Variants in SHROOM3 observed in about 807,000 individuals in gnomAD.
The protein encoded by SHROOM3 is protein Shroom3.
Under a neutral mutation model 138.6 loss-of-function variants are expected in SHROOM3, and 47 were observed. The observed-to-expected ratio is 0.34, with a 90% confidence interval of 0.27 to 0.43. SHROOM3 has a LOEUF of 0.43. SHROOM3 is among the 20% of genes least tolerant of loss of function. SHROOM3 has a pLI of 1.00. For missense variants in SHROOM3, 2,491 were observed against 2,596.5 expected, an observed-to-expected ratio of 0.96 and a Z score of 0.88; for synonymous variants, 1,062 against 1,063.3, an observed-to-expected ratio of 1.00 and a Z score of 0.02.
intron 1 of SHROOM3, among the ~76,000 whole-genome samples, chr4:76,512,512 C>T (rs1387415791): frequency 2.0e-5 from 3 of 152,166 alleles, no homozygotes; most frequent in Non-Finnish European, 2.9e-5. Flanking sequence ...TCTTCACTTC[C>T]GCAGGATTCT....
intron 2 of SHROOM3, among the ~76,000 whole-genome samples, chr4:76,674,554 CTT>C (rs11312421): frequency 4.4e-3 from 457 of 103,240 alleles, no homozygotes; most frequent in African/African-American, 0.016. Flanking sequence ...TCCTTCCTTC[CTT>C]TTTTTTTTTT....
chr4:76,655,523 G>A (rs1344608173), intron 2 of SHROOM3, among the ~76,000 whole-genome samples: 1 of 152,194 alleles, frequency 6.6e-6, no homozygotes, highest in Non-Finnish European at 1.5e-5. Flanking sequence ...GCTAAAAGTG[G>A]AAAGTTATGG....
At chr4:76,561,112 G>C (rs139594227) in intron 2 of SHROOM3, among the ~76,000 whole-genome samples, 51 of 152,272 alleles carry the variant, frequency 3.3e-4, no homozygotes, top group Non-Finnish European at 6.2e-4. Flanking sequence ...AGAGCAGAGG[G>C]TAGGGAAAAT....
At chr4:76,732,373 A>G (rs1380309753) in intron 4 of SHROOM3, among the ~76,000 whole-genome samples, 2 of 152,134 alleles carry the variant, frequency 1.3e-5, no homozygotes, top group Non-Finnish European at 2.9e-5. Flanking sequence ...CTTAATACTC[A>G]TGTCTGGTCA....
At chr4:76,483,411 G>A (rs921039915) in intron 1 of SHROOM3, among the ~76,000 whole-genome samples, 1 of 152,126 alleles carries the variant, frequency 6.6e-6, no homozygotes, top group African/African-American at 2.4e-5. Context: ...CATCATCACT[G>A]GTCATTAGAG....
chr4:76,598,432 T>A (rs1734436256), intron 2 of SHROOM3, among the ~76,000 whole-genome samples: 1 of 152,236 alleles, frequency 6.6e-6, no homozygotes, highest in Admixed American at 6.5e-5. Flanking sequence ...TTTGGAAAGA[T>A]GAACAGGCAT....
In SHROOM3 at chr4:76,710,131, C is replaced by G. The variant is rs538270643; in HGVS notation, c.324-25C>G. 25 of 1,613,714 alleles carry G rather than the reference C, an allele frequency of 1.5e-5. No homozygotes were observed. In the African/African-American group the frequency reaches 2.7e-4, roughly 17 times the overall value. On this transcript the variant is annotated intron_variant, in intron 2 of 10. Coordinates refer to ENST00000296043, the MANE Select transcript of SHROOM3 (RefSeq NM_020859.4). The stretch of plus-strand genomic sequence containing the variant: ...TGTCCATGAACACCATCATGCTCAG[C>G]TTCTTCTTTTCCTATTGTTGACAGA...
At chr4:76,697,752 T>C (rs972425426) in intron 2 of SHROOM3, among the ~76,000 whole-genome samples, 1 of 152,204 alleles carries the variant, frequency 6.6e-6, no homozygotes, top group South Asian at 2.1e-4. Flanking sequence ...AATTGTAATG[T>C]TTTTAAATGT....
intron 2 of SHROOM3, among the ~76,000 whole-genome samples, chr4:76,640,800 C>T (rs1047084214): frequency 1.3e-5 from 2 of 152,176 alleles, no homozygotes; most frequent in Non-Finnish European, 2.9e-5. Context: ...CTCTCTAGCT[C>T]CTTGCTGCTG....
chr4:76,659,704 C>T (rs1014158140), intron 2 of SHROOM3, among the ~76,000 whole-genome samples: 3 of 152,140 alleles, frequency 2.0e-5, no homozygotes, highest in Non-Finnish European at 4.4e-5. Flanking sequence ...GCCTCAGTCT[C>T]CAAAGTAGCT....
At chr4:76,506,875 G>A (rs1293017305) in intron 1 of SHROOM3, among the ~76,000 whole-genome samples, 1 of 151,892 alleles carries the variant, frequency 6.6e-6, no homozygotes, top group Non-Finnish European at 1.5e-5. Flanking sequence ...CTCTCTTACA[G>A]TACTCCCTCC....
At chr4:76,480,199 G>T (rs1731575622) in intron 1 of SHROOM3, among the ~76,000 whole-genome samples, 1 of 152,164 alleles carries the variant, frequency 6.6e-6, no homozygotes, top group Admixed American at 6.5e-5. Flanking sequence ...TGGCAAATTG[G>T]ATAAAGAGTC....
At chr4:76,747,209 G>A (rs1235044225) in intron 5 of SHROOM3, among the ~76,000 whole-genome samples, 2 of 152,100 alleles carry the variant, frequency 1.3e-5, no homozygotes, top group East Asian at 1.9e-4. Context: ...TAACAAGTTG[G>A]TATAATTCTA....
At chr4:76,501,072 C>A (rs1426147531) in intron 1 of SHROOM3, among the ~76,000 whole-genome samples, 1 of 152,156 alleles carries the variant, frequency 6.6e-6, no homozygotes, top group African/African-American at 2.4e-5. Flanking sequence ...CCTGCCTCAG[C>A]CTCCCAAAGT....
chr4:76,616,480 T>G (rs533309115), intron 2 of SHROOM3, among the ~76,000 whole-genome samples: 5 of 152,110 alleles, frequency 3.3e-5, no homozygotes, highest in Non-Finnish European at 7.4e-5. Context: ...ACACACACAA[T>G]GAAATATCAT....
chr4:76,579,239 C>G (rs377208747), intron 2 of SHROOM3, among the ~76,000 whole-genome samples: 1 of 151,806 alleles, frequency 6.6e-6, no homozygotes, highest in African/African-American at 2.4e-5. Context: ...GAGGCCAAGG[C>G]GGGCAGATCA....
At chr4:76,473,877 A>G (rs992487228) in intron 1 of SHROOM3, among the ~76,000 whole-genome samples, 1 of 152,220 alleles carries the variant, frequency 6.6e-6, no homozygotes, top group Non-Finnish European at 1.5e-5. Context: ...TGAATGTAAA[A>G]TGGTATAGTT....
intron 2 of SHROOM3, among the ~76,000 whole-genome samples, chr4:76,602,239 C>T (rs1734521736): frequency 6.6e-6 from 1 of 151,906 alleles, no homozygotes; most frequent in Non-Finnish European, 1.5e-5. Flanking sequence ...AGTACTGCTC[C>T]TAATACAAAG....
At chr4:76,677,470 T>C (rs1719071105) in intron 2 of SHROOM3, among the ~76,000 whole-genome samples, 3 of 152,232 alleles carry the variant, frequency 2.0e-5, no homozygotes, top group African/African-American at 7.2e-5. Flanking sequence ...TAAGGTATTA[T>C]TGTAAAAATT....
Sources: gnomAD v4.1 joint callset for allele counts (sites outside exome capture counted in the v4.1 genomes callset) on GRCh38, gnomAD v4.1.1 for gene constraint, MANE v1.5 for transcripts, NCBI Gene and HGNC (gene_info 2026-07-23, HGNC 2026-07-21) for gene names.